Variants in SEMA6D observed in about 807,000 individuals in gnomAD.
SEMA6D encodes the protein semaphorin 6D.
A neutral mutation model predicts 106.6 loss-of-function variants in SEMA6D; 35 were observed. That is an observed-to-expected ratio of 0.33 (90% confidence interval 0.25 to 0.44). The LOEUF is 0.44. Among genes scored for constraint, SEMA6D ranks in the 20% least tolerant of loss-of-function variants. SEMA6D has a pLI of 1.00. For missense variants in SEMA6D, 1,185 were observed against 1,345.9 expected, an observed-to-expected ratio of 0.88 and a Z score of 1.87; for synonymous variants, 499 against 487.7, an observed-to-expected ratio of 1.02 and a Z score of -0.31.
intron 1 of SEMA6D, among the ~76,000 whole-genome samples, chr15:47,753,075 A>G (rs2081534714): frequency 6.6e-6 from 1 of 152,048 alleles, no homozygotes; most frequent in African/African-American, 2.4e-5. Context: ...AAACTGAGGA[A>G]GCTCCCATGT....
At chr15:47,615,236 A>G (rs545617128) in intron 4 of SEMA6D, among the ~76,000 whole-genome samples, 2 of 152,374 alleles carry the variant, frequency 1.3e-5, no homozygotes, top group East Asian at 1.9e-4. Context: ...CACTATTTAC[A>G]TAGCATTTAC....
intron 1 of SEMA6D, among the ~76,000 whole-genome samples, chr15:47,360,365 A>G (rs955299339): frequency 6.6e-6 from 1 of 152,218 alleles, no homozygotes; most frequent in Non-Finnish European, 1.5e-5. Context: ...CCTTAGACCC[A>G]TGCTCTCCAA....
chr15:47,766,740 T>G, intron 16 of SEMA6D, 63 bp downstream of exon 16: 1 of 1,102,832 alleles, frequency 9.1e-7, no homozygotes, highest in Non-Finnish European at 1.4e-6. Flanking sequence ...ACGTCGACAT[T>G]ATTTTACAAT....
rs35758807 is a variant in SEMA6D, at chr15:47,385,065, T to TTTTTTTTTTTTTTTA, written c.-238-27328_-238-27327insTTTTTTTTTTTTTTA. ...CTGTAATTTTTTTTTTTTTTTTTTTTACCATAGAACTCATAAGGCAGCGTT... is the reference window on the plus strand; with the variant it reads ...CTGTAATTTTTTTTTTTTTTTTTTTTTTTTTTTTTTTTTTAACCATAGAACTCATAAGGCAGCGTT... On this transcript the variant is annotated intron_variant, in intron 1 of 19. Transcript: ENST00000558014. Among the ~76,000 whole-genome samples the TTTTTTTTTTTTTTTA allele has an allele frequency of 6.9e-4, 95 of 137,214 alleles. 8 individuals are homozygous for TTTTTTTTTTTTTTTA. The highest frequency in any genetic ancestry group is 1.3e-3 in the African/African-American group (47 of 36,238). 90.0% of individuals were successfully genotyped at this position (137,214 alleles called of 152,430 possible). A position where few individuals can be genotyped will look rare whatever the true frequency, so the allele number is the denominator to read the frequency against.
intron 3 of SEMA6D, among the ~76,000 whole-genome samples, chr15:47,485,747 T>A (rs577264232): frequency 2.0e-5 from 3 of 152,294 alleles, no homozygotes; most frequent in Non-Finnish European, 4.4e-5. Context: ...GTGCTATGGC[T>A]GTCTGTGCCA....
At chr15:47,539,853 C>G (rs2045300992) in intron 3 of SEMA6D, among the ~76,000 whole-genome samples, 2 of 152,132 alleles carry the variant, frequency 1.3e-5, no homozygotes. Context: ...GGGCCCTTCT[C>G]TATCATGATG....
chr15:47,544,008 T>C (rs2045440354), intron 3 of SEMA6D, among the ~76,000 whole-genome samples: 1 of 152,150 alleles, frequency 6.6e-6, no homozygotes, highest in East Asian at 1.9e-4. Flanking sequence ...CATCAGAAGC[T>C]TTCCTATTCA....
intron 1 of SEMA6D, among the ~76,000 whole-genome samples, chr15:47,195,530 A>G (rs1184877055): frequency 6.6e-6 from 1 of 152,170 alleles, no homozygotes; most frequent in East Asian, 1.9e-4. Flanking sequence ...TGAAAATCAG[A>G]AAGTTTGCAT....
chr15:47,512,343 G>A (rs999047124), intron 3 of SEMA6D, among the ~76,000 whole-genome samples: 1 of 152,196 alleles, frequency 6.6e-6, no homozygotes, highest in African/African-American at 2.4e-5. Context: ...TCTCCTGCAT[G>A]TGTGATCATG....
At chr15:47,716,162 CTT>C (rs1393173489), upstream of SEMA6D, among the ~76,000 whole-genome samples, 2 of 152,168 alleles carry the variant, frequency 1.3e-5, no homozygotes, top group African/African-American at 4.8e-5. Context: ...GCCCCCTACT[CTT>C]TTCTTCTAAT....
At chr15:47,561,597 G>C (rs923389811) in intron 3 of SEMA6D, among the ~76,000 whole-genome samples, 31 of 151,074 alleles carry the variant, frequency 2.1e-4, no homozygotes, top group Admixed American at 1.4e-3. Flanking sequence ...AAAATATATA[G>C]GATATTTTAA....
At position 47,591,357 on chromosome 15, in the gene SEMA6D, C is replaced by T. The variant is rs554808836; in HGVS notation, c.-86-9508C>T. On this transcript the variant is annotated intron_variant, in intron 3 of 19. Coordinates refer to the SEMA6D transcript ENST00000558014. ...TTTGGAGGAACACAAACATGCAACC[C>T]AGTAGCACAACTGAAGGCTCTATGG... Among the ~76,000 whole-genome samples the T allele has an allele frequency of 2.0e-5, 3 of 152,184 alleles. No individual in the cohort carries two copies. The South Asian group carries it at 6.2e-4, about 32-fold the overall frequency.
chr15:47,206,529 C>T (rs1178991488), intron 1 of SEMA6D, among the ~76,000 whole-genome samples: 2 of 152,202 alleles, frequency 1.3e-5, no homozygotes, highest in South Asian at 2.1e-4. Context: ...TTCCTTCCAG[C>T]CTCAGAGCCC....
chr15:47,763,988 G>A lies in SEMA6D; in HGVS notation c.886G>A (p.Val296Ile), dbSNP rs1417465663. Residue 296 changes from valine to isoleucine, a missense_variant, in exon 10 of 19, where the codon GTT becomes ATT. Coordinates refer to ENST00000536845, the MANE Select transcript of SEMA6D (RefSeq NM_001358351.3). ...VPGDSFFYFD[V>I]LQSITDIIQI... ...TGGAGATTCGTTTTTCTACTTTGATGTTCTGCAGTCTATTACAGACATAAT... is the reference window on the plus strand; with the variant it reads ...TGGAGATTCGTTTTTCTACTTTGATATTCTGCAGTCTATTACAGACATAAT... 1 of 1,613,940 alleles carries A rather than the reference G, an allele frequency of 6.2e-7. No homozygotes were observed. Among genetic ancestry groups the A allele is most frequent in the Non-Finnish European group, 8.5e-7 (1 of 1,179,886 alleles).
intron 3 of SEMA6D, among the ~76,000 whole-genome samples, chr15:47,522,566 AT>A (rs937876505): frequency 2.6e-5 from 4 of 152,176 alleles, no homozygotes; most frequent in Non-Finnish European, 5.9e-5. Flanking sequence ...AGAGTTTTTA[AT>A]GTTTTATTTC....
intron 3 of SEMA6D, among the ~76,000 whole-genome samples, chr15:47,515,223 G>A (rs1254353054): frequency 6.6e-6 from 1 of 152,036 alleles, no homozygotes; most frequent in Non-Finnish European, 1.5e-5. Flanking sequence ...TCTCAAAGAG[G>A]CCTATTAATA....
At chr15:47,265,686 A>AT (rs900115170) in intron 1 of SEMA6D, among the ~76,000 whole-genome samples, 4 of 151,012 alleles carry the variant, frequency 2.6e-5, no homozygotes, top group African/African-American at 4.9e-5. Context: ...ATGCCTCTCA[A>AT]TTTTTTTTTG....
At chr15:47,534,035 A>G (rs914099078) in intron 3 of SEMA6D, among the ~76,000 whole-genome samples, 4 of 152,226 alleles carry the variant, frequency 2.6e-5, no homozygotes, top group African/African-American at 7.2e-5. Context: ...GCCATCACAT[A>G]TGAAATCAAC....
At chr15:47,365,891 GA>G (rs1271345791) in intron 1 of SEMA6D, among the ~76,000 whole-genome samples, 5 of 33,176 alleles carry the variant, frequency 1.5e-4, no homozygotes, top group Admixed American at 9.3e-4. Context: ...AGAGAGAGAG[GA>G]GAGAGAGAGA....
Sources: gnomAD v4.1 joint callset for allele counts (sites outside exome capture counted in the v4.1 genomes callset) on GRCh38, gnomAD v4.1.1 for gene constraint, MANE v1.5 for transcripts, NCBI Gene and HGNC (gene_info 2026-07-23, HGNC 2026-07-21) for gene names.